RGS6: variants seen among roughly 807,000 people sequenced by gnomAD.
RGS6 encodes regulator of G protein signaling 6.
A neutral mutation model predicts 78.5 loss-of-function variants in RGS6; 30 were observed. The observed-to-expected ratio is 0.38, with a 90% CI of 0.29 to 0.52. The LOEUF (loss-of-function observed/expected upper bound fraction) is 0.52. RGS6 is among the 20% of genes least tolerant of loss of function. The probability of loss-of-function intolerance (pLI) is 0.85; values close to 1 mark genes in which losing one functional copy is unlikely to be tolerated. For synonymous variants in RGS6, 206 were observed against 206.0 expected (o/e 1.00, Z 0.00); for missense variants, 495 against 609.7 (o/e 0.81, Z 1.98).
chr14:72,547,442 C>T, intron 17 of RGS6: 3 of 925,158 alleles, frequency 3.2e-6, no homozygotes, highest in Non-Finnish European at 5.0e-6. Context: ...ATGCTTCCCC[C>T]TTTTAAAATA....
chr14:72,258,263 A>T (rs1051108060), intron 2 of RGS6, among the ~76,000 whole-genome samples: 1 of 152,228 alleles, frequency 6.6e-6, no homozygotes, highest in Non-Finnish European at 1.5e-5. Flanking sequence ...TAGAGGGCTC[A>T]TTTGAATCAC....
chr14:72,507,086 G>C (rs1042011862), intron 13 of RGS6, among the ~76,000 whole-genome samples: 2 of 150,410 alleles, frequency 1.3e-5, no homozygotes, highest in African/African-American at 2.4e-5. Flanking sequence ...GGAGAATGGC[G>C]TGAACCCAGG....
chr14:72,255,988 T>C (rs768378516), intron 2 of RGS6, among the ~76,000 whole-genome samples: 3 of 152,246 alleles, frequency 2.0e-5, no homozygotes, highest in Admixed American at 6.5e-5. Context: ...TAAATGTTTT[T>C]AAATTTAAAT....
intron 2 of RGS6, among the ~76,000 whole-genome samples, chr14:72,178,216 A>G (rs1167251953): frequency 6.6e-6 from 1 of 152,186 alleles, no homozygotes; most frequent in Non-Finnish European, 1.5e-5. Context: ...CACATACACT[A>G]AGCTATCTCT....
intron 2 of RGS6, among the ~76,000 whole-genome samples, chr14:72,072,413 A>G (rs1057022201): frequency 3.9e-5 from 6 of 151,930 alleles, no homozygotes; most frequent in East Asian, 1.9e-4. Flanking sequence ...GGTTCAAGCA[A>G]TTCTCCTGCC....
intron 2 of RGS6, among the ~76,000 whole-genome samples, chr14:72,189,899 G>A (rs1039163059): frequency 6.6e-5 from 10 of 152,108 alleles, no homozygotes; most frequent in African/African-American, 2.4e-4. Context: ...ACGGCTACAT[G>A]GGATATAGGG....
In RGS6 at chr14:72,042,800, G is replaced by T. The variant is rs374525693; in HGVS notation, c.84+77925G>T. ...TAAATATGGGGCCATGAAAATGTTT[G>T]TAGAAATATTCTATATGCTTTTAAA... On this transcript the variant is annotated intron_variant, in intron 2 of 17. Transcript: ENST00000553525. Among the ~76,000 whole-genome samples the T allele has an allele frequency of 2.0e-5, 3 of 152,236 alleles. No homozygotes were observed. In the East Asian group the frequency reaches 5.8e-4, roughly 29 times the overall value.
chr14:72,179,958 G>A (rs1020969606), intron 2 of RGS6, among the ~76,000 whole-genome samples: 3 of 152,154 alleles, frequency 2.0e-5, no homozygotes, highest in African/African-American at 7.2e-5. Context: ...CAACAGCACT[G>A]TCAGAAGAAC....
intron 2 of RGS6, among the ~76,000 whole-genome samples, chr14:72,146,636 C>T (rs2096610536): frequency 6.6e-6 from 1 of 152,090 alleles, no homozygotes; most frequent in Non-Finnish European, 1.5e-5. Context: ...AGTAACTAGT[C>T]CCAAGTGAGT....
At chr14:72,079,447 A>G (rs1203935279) in intron 2 of RGS6, among the ~76,000 whole-genome samples, 1 of 152,192 alleles carries the variant, frequency 6.6e-6, no homozygotes, top group Non-Finnish European at 1.5e-5. Flanking sequence ...TATGTATACA[A>G]CATGATGCTT....
chr14:71,973,716 CTAATT>C (rs570943825), intron 2 of RGS6, among the ~76,000 whole-genome samples: 292 of 152,270 alleles, frequency 1.9e-3, no homozygotes, highest in Admixed American at 6.0e-3. Context: ...TTCAGGGTAA[CTAATT>C]TAATTGTTCA....
At chr14:71,924,801 G>C in the RGS6 span, among the ~76,000 whole-genome samples, 1 of 152,062 alleles carries the variant, frequency 6.6e-6, no homozygotes, top group Non-Finnish European at 1.5e-5. Context: ...CATAATAACA[G>C]TTTCTTTATC....
Position 72,093,638 on chromosome 14 carries a change from C to G in RGS6, c.84+128763C>G, listed in dbSNP as rs542727494. Among the ~76,000 whole-genome samples the G allele has an allele frequency of 8.5e-5, 13 of 152,266 alleles. No individual in the cohort carries two copies. The East Asian group carries it at 2.3e-3, about 27-fold the overall frequency. ...ATAACATGTTTTAATCTGCATTGCT[C>G]TAATGTATCTAGTTTCTAAGTCAGA... is the stretch of plus-strand genomic sequence containing the variant. On this transcript the variant is annotated intron_variant, in intron 2 of 17. Transcript: ENST00000553525.
intron 13 of RGS6, among the ~76,000 whole-genome samples, chr14:72,504,520 T>C (rs536912389): frequency 1.3e-5 from 2 of 152,238 alleles, no homozygotes; most frequent in South Asian, 2.1e-4. Flanking sequence ...TCTGGTGATA[T>C]ATGTCTCATT....
At chr14:72,006,476 G>T (rs2084581984) in intron 2 of RGS6, among the ~76,000 whole-genome samples, 1 of 152,190 alleles carries the variant, frequency 6.6e-6, no homozygotes, top group Non-Finnish European at 1.5e-5. Flanking sequence ...CCTATGGAAA[G>T]CTAGCTGTTG....
Position 72,127,707 on chromosome 14 carries a change from G to A in RGS6, c.84+162832G>A, listed in dbSNP as rs2096232612. 2.6e-5 allele frequency among the ~76,000 whole-genome samples: 4 copies of A among 152,180 alleles called. No homozygotes were observed. In the South Asian group the frequency reaches 8.3e-4, roughly 32 times the overall value. ...TTAGCATTTACCCTGTTCCCTCAAT[G>A]GTACTATCTTGTAAAGCTATAGTAC... On this transcript the variant is annotated intron_variant, in intron 2 of 17. Coordinates refer to ENST00000553525, the MANE Select transcript of RGS6 (RefSeq NM_001204424.2).
intron 2 of RGS6, among the ~76,000 whole-genome samples, chr14:72,169,275 A>T (rs965706019): frequency 9.8e-5 from 15 of 152,346 alleles, no homozygotes; most frequent in Middle Eastern, 3.4e-3. Flanking sequence ...TTCAAAGGGT[A>T]TAAAAAGTGC....
intron 3 of RGS6, among the ~76,000 whole-genome samples, chr14:72,364,278 T>C (rs2082065224): frequency 6.6e-6 from 1 of 152,160 alleles, no homozygotes; most frequent in Non-Finnish European, 1.5e-5. Context: ...TGCTTACCTC[T>C]AGTTGCTGGC....
the RGS6 span, among the ~76,000 whole-genome samples, chr14:71,871,355 G>C: frequency 3.3e-5 from 5 of 152,164 alleles, no homozygotes; most frequent in East Asian, 9.6e-4. Context: ...CTTGATAGAA[G>C]CCAAACTGCC....
Sources: gnomAD v4.1 joint callset for allele counts (sites outside exome capture counted in the v4.1 genomes callset) on GRCh38, gnomAD v4.1.1 for gene constraint, MANE v1.5 for transcripts, NCBI Gene and HGNC (gene_info 2026-07-23, HGNC 2026-07-21) for gene names.